KANK4: variants seen among roughly 807,000 people sequenced by gnomAD.
The protein encoded by KANK4 is KN motif and ankyrin repeat domain-containing protein 4.
A neutral mutation model predicts 80.8 loss-of-function variants in KANK4; 50 were observed. The observed-to-expected ratio is 0.62, with a 90% CI of 0.49 to 0.78. The LOEUF is 0.78. KANK4 is among the 30% of genes least tolerant of loss of function. KANK4 has a pLI of 0.00. For synonymous variants in KANK4, 465 were observed against 506.9 expected (o/e 0.92, Z 1.11); for missense variants, 1,196 against 1,240.1 (o/e 0.96, Z 0.53).
chr1:62,265,116 C>G (rs1671988925), intron 6 of KANK4, among the ~76,000 whole-genome samples: 1 of 151,600 alleles, frequency 6.6e-6, no homozygotes, highest in Non-Finnish European at 1.5e-5. Flanking sequence ...CAGGCGTGAG[C>G]CACTGCGACC....
intron 1 of KANK4, among the ~76,000 whole-genome samples, chr1:62,292,431 C>G (rs1010886122): frequency 7.9e-5 from 12 of 152,198 alleles, no homozygotes; most frequent in Non-Finnish European, 1.3e-4. Context: ...TGCCACTTGA[C>G]TAGACCAGTA....
At chr1:62,275,910 G>A (rs575023197) in intron 2 of KANK4, among the ~76,000 whole-genome samples, 1 of 149,550 alleles carries the variant, frequency 6.7e-6, no homozygotes, top group South Asian at 2.1e-4. Context: ...AAGGGGAAGG[G>A]GAAGGGAAGG....
At chr1:62,242,580 G>T (rs1671370551) in intron 9 of KANK4, among the ~76,000 whole-genome samples, 1 of 151,946 alleles carries the variant, frequency 6.6e-6, no homozygotes, top group Non-Finnish European at 1.5e-5. Context: ...ATGAAGGGTG[G>T]GCTCTGGGAC....
Position 62,273,441 on chromosome 1 carries a change from G to C in KANK4, c.1663C>G (p.Pro555Ala), listed in dbSNP as rs1672216640. The change falls in exon 3 of 10, where the codon CCA (proline) becomes GCA (alanine). Residue 555 changes from proline (P) to alanine (A), a missense_variant. Pro to Ala is a conservative substitution (Grantham distance 27). This residue lies in a region of KANK4 where 1,154 missense variants were observed against 1,179.6 expected (regional missense o/e 0.98). Coordinates refer to ENST00000371153, the MANE Select transcript of KANK4 (RefSeq NM_181712.5). ...TACTGCCCAATAGTGGCATCCGTTG[G>C]CGAGCTTGGTGGCCTTCCCGGGTGC... is the stretch of plus-strand genomic sequence containing the variant. ...KEHPGRPPSS[P>A]TDATIGQYVK... The C allele has an allele frequency of 6.2e-7, 1 of 1,613,682 alleles. No homozygotes were observed. Among genetic ancestry groups the C allele is most frequent in the African/African-American group, 1.3e-5 (1 of 74,920 alleles).
intron 1 of KANK4, among the ~76,000 whole-genome samples, chr1:62,315,148 C>A (rs975127755): frequency 1.3e-5 from 2 of 152,138 alleles, no homozygotes; most frequent in Non-Finnish European, 2.9e-5. Flanking sequence ...GGGAGATTGG[C>A]GTCCTGAGGC....
At chr1:62,252,881 G>T (rs929676796) in intron 8 of KANK4, among the ~76,000 whole-genome samples, 186 bp downstream of exon 8, 1 of 152,256 alleles carries the variant, frequency 6.6e-6, no homozygotes, top group Non-Finnish European at 1.5e-5. Flanking sequence ...GCAAGCTCCT[G>T]GCTGGGTCTC....
At chr1:62,299,917 T>C (rs1644397389) in intron 1 of KANK4, among the ~76,000 whole-genome samples, 1 of 152,200 alleles carries the variant, frequency 6.6e-6, no homozygotes, top group East Asian at 1.9e-4. Flanking sequence ...ATGCCTCCTT[T>C]TCTTCCCAGG....
At chr1:62,238,472 T>C in intron 9 of KANK4, 91 bp from the exon 10 acceptor site, 1 of 1,033,002 alleles carries the variant, frequency 9.7e-7, no homozygotes, top group Non-Finnish European at 1.5e-6. Context: ...AGGGTATGCC[T>C]GGGACACAGG....
chr1:62,295,533 CT>C (rs1644355779), intron 1 of KANK4, among the ~76,000 whole-genome samples: 1 of 152,190 alleles, frequency 6.6e-6, no homozygotes, highest in Non-Finnish European at 1.5e-5. Flanking sequence ...CCTGGGTATC[CT>C]TTATGTTCAA....
At chr1:62,280,863 T>C (rs571226983) in intron 2 of KANK4, among the ~76,000 whole-genome samples, 1 of 152,376 alleles carries the variant, frequency 6.6e-6, no homozygotes, top group East Asian at 1.9e-4. Context: ...GGTACTCCTC[T>C]ACCACGCTGA....
chr1:62,306,619 CT>C, intron 1 of KANK4, among the ~76,000 whole-genome samples: 1 of 152,156 alleles, frequency 6.6e-6, no homozygotes, highest in East Asian at 1.9e-4. Context: ...ATCCCTGTTG[CT>C]CAGGCAGAGG....
In KANK4 at chr1:62,268,230, T is replaced by C. The variant is rs960209505; in HGVS notation, c.2231+57A>G. 2.9e-5 allele frequency: 40 copies of C among 1,357,688 alleles called. No individual in the cohort carries two copies. In the Admixed American group the frequency reaches 4.5e-4, roughly 15 times the overall value. The allele number at this position is 1,357,688 out of a possible 1,614,324, so 84.1% of individuals were successfully genotyped here. A position where few individuals can be genotyped will look rare whatever the true frequency, so the allele number is the denominator to read the frequency against. ...AAATGATCGCATGAACGGGTAGATA[T>C]ATGCCCTTGACCTTTTTCAGAGGAA... On this transcript the variant is annotated intron_variant, in intron 5 of 9. Transcript: ENST00000371153.
chr1:62,242,221 G>A (rs1671358484), intron 9 of KANK4, among the ~76,000 whole-genome samples: 1 of 152,024 alleles, frequency 6.6e-6, no homozygotes, highest in Non-Finnish European at 1.5e-5. Context: ...ACTTGGCCAG[G>A]TGCACTGGCT....
rs573647747 is a variant in KANK4, at chr1:62,273,182, C to T, written c.1900+22G>A. The T allele has an allele frequency of 8.9e-6, 13 of 1,465,414 alleles. No individual in the cohort carries two copies. In the African/African-American group the frequency reaches 1.7e-4, roughly 19 times the overall value. 90.8% of individuals were successfully genotyped at this position (1,465,414 alleles called of 1,614,324 possible). On this transcript the variant is annotated intron_variant, in intron 3 of 9. Coordinates refer to ENST00000371153, the MANE Select transcript of KANK4 (RefSeq NM_181712.5). ...AGGAGAAATGGCTCCCTGTCTCAGG[C>T]CCCTATATTGATGGTATTTACCCAC... is the stretch of plus-strand genomic sequence containing the variant.
chr1:62,266,637 G>T, intron 6 of KANK4, 95 bp downstream of exon 6: 1 of 783,214 alleles, frequency 1.3e-6, no homozygotes, highest in Admixed American at 2.0e-5. Flanking sequence ...ACCACTGCCT[G>T]CCTCACACCA....
At position 62,263,092 on chromosome 1, in the gene KANK4, C is replaced by T; in HGVS notation, c.2539G>A (p.Gly847Ser). 6.2e-7 allele frequency: 1 copy of T among 1,608,760 alleles called. No individual in the cohort carries two copies. Among genetic ancestry groups the T allele is most frequent in the Non-Finnish European group, 8.5e-7 (1 of 1,175,958 alleles). Residue 847 changes from glycine to serine, a missense_variant and splice_region_variant, in exon 7 of 10, where the codon GGC becomes AGC. Physicochemically the swap from Gly to Ser is moderately conservative, Grantham distance 56. This residue lies in a region of KANK4 where 1,154 missense variants were observed against 1,179.6 expected (regional missense o/e 0.98). Coordinates refer to ENST00000371153, the MANE Select transcript of KANK4 (RefSeq NM_181712.5). The part of the protein sequence containing the change: ...FSIVKLLLET[G>S]VCNVDHQNKA... ...CTGTATGAATGCAACCACTTCTGACCTGTCTCCAGCAGCAGCTTCACGATG... is the reference window on the plus strand; with the variant it reads ...CTGTATGAATGCAACCACTTCTGACTTGTCTCCAGCAGCAGCTTCACGATG...
intron 7 of KANK4, among the ~76,000 whole-genome samples, chr1:62,255,187 A>G (rs1169904983): frequency 6.6e-6 from 1 of 152,074 alleles, no homozygotes; most frequent in Non-Finnish European, 1.5e-5. Context: ...GCCTAGCCAA[A>G]CCTGACATAT....
chr1:62,261,348 G>A (rs904510657), intron 7 of KANK4, among the ~76,000 whole-genome samples: 1 of 151,810 alleles, frequency 6.6e-6, no homozygotes, highest in Non-Finnish European at 1.5e-5. Flanking sequence ...TTAATAGAGA[G>A]AGGGTTTCCC....
In KANK4 at chr1:62,238,310, G is replaced by T; in HGVS notation, c.2955C>A (p.Ala985=). 1 of 1,614,064 alleles carries T rather than the reference G, an allele frequency of 6.2e-7. No individual in the cohort carries two copies. Residue 985 remains alanine (A), a synonymous_variant, in exon 10 of 10, where the codon GCC becomes GCA. Coordinates refer to ENST00000371153, the MANE Select transcript of KANK4 (RefSeq NM_181712.5). ...CCAGGGACCTGCCCTGCTCCGCGTG[G>T]GCTCTCAGAAGCCCAGCAATTTCCA... is the stretch of plus-strand genomic sequence containing the variant. ...THMEIAGLLR[A]HAEQGRSLGL is the part of the protein sequence containing the mutation.
Sources: gnomAD v4.1 joint callset for allele counts (sites outside exome capture counted in the v4.1 genomes callset) on GRCh38, gnomAD v4.1.1 for gene constraint, gnomAD v4.1.1 regional missense constraint, MANE v1.5 for transcripts, NCBI Gene and HGNC (gene_info 2026-07-23, HGNC 2026-07-21) for gene names.